The following ERC1 variants were observed in gnomAD, a reference collection of about 807,000 sequenced individuals.
ERC1 encodes the protein ELKS/RAB6-interacting/CAST family member 1, also known as RAB6 interacting protein 2.
ERC1 carries 56 observed loss-of-function variants against 132.0 expected under a neutral mutation model. That is an observed-to-expected ratio of 0.42 (90% CI 0.34 to 0.53). ERC1 has a LOEUF of 0.53. ERC1 is among the 20% of genes least tolerant of loss of function. The pLI is 0.03. For synonymous variants in ERC1, 478 were observed against 476.1 expected, an observed-to-expected ratio of 1.00 and a Z score of -0.05; for missense variants, 1,202 against 1,349.9, an observed-to-expected ratio of 0.89 and a Z score of 1.72.
chr12:1,370,678 A>T (rs1397900555), intron 15 of ERC1, among the ~76,000 whole-genome samples: 2 of 152,234 alleles, frequency 1.3e-5, no homozygotes, highest in African/African-American at 4.8e-5. Flanking sequence ...ATAAAATGAA[A>T]TACTAAGTTC....
At chr12:1,097,783 C>T (rs73037092) in intron 3 of ERC1, among the ~76,000 whole-genome samples, 8,587 of 150,360 alleles carry the variant, frequency 0.057, 301 homozygotes, top group Middle Eastern at 0.097. Flanking sequence ...GTCGCGATCT[C>T]GGCTGACTGT....
intron 13 of ERC1, among the ~76,000 whole-genome samples, chr12:1,239,396 G>A (rs2075646735): frequency 6.6e-6 from 1 of 152,042 alleles, no homozygotes; most frequent in South Asian, 2.1e-4. Context: ...GGTGTTAGGG[G>A]TACTCCCCAC....
chr12:1,062,978 T>A (rs1359408380), intron 2 of ERC1, among the ~76,000 whole-genome samples: 6 of 152,256 alleles, frequency 3.9e-5, no homozygotes, highest in Non-Finnish European at 7.3e-5. Flanking sequence ...GTTTTTTGAC[T>A]TGAAAGTCTA....
chr12:1,454,216 C>T (rs533430491), intron 18 of ERC1, among the ~76,000 whole-genome samples: 2 of 152,108 alleles, frequency 1.3e-5, no homozygotes, highest in Non-Finnish European at 2.9e-5. Context: ...CTGGAGGTGC[C>T]CAGAGAGGTC....
intron 15 of ERC1, among the ~76,000 whole-genome samples, chr12:1,340,326 C>T (rs564167314): frequency 2.8e-4 from 42 of 152,192 alleles, no homozygotes; most frequent in African/African-American, 9.9e-4. Flanking sequence ...CTAAAGTCTC[C>T]TATGGGAGCA....
At position 1,122,605 on chromosome 12, in the gene ERC1, C is replaced by A. The variant is rs1484175318; in HGVS notation, c.1569+6572C>A. Among the ~76,000 whole-genome samples the A allele has an allele frequency of 9.5e-4, 6 of 6,334 alleles. 1 individual carries two copies. Among genetic ancestry groups the A allele is most frequent in the East Asian group, 0.1 (1 of 10 alleles). 4.2% of individuals were successfully genotyped at this position (6,334 alleles called of 152,430 possible). A position where few individuals can be genotyped will look rare whatever the true frequency, so the allele number is the denominator to read the frequency against. On this transcript the variant is annotated intron_variant, in intron 7 of 18. Coordinates refer to ENST00000360905, the MANE Select transcript of ERC1 (RefSeq NM_178040.4). The stretch of plus-strand genomic sequence containing the variant: ...TCTATCTCTATCTCTATCTGTGTCT[C>A]TATCTCTATCTCTATCTGTGTCTCT...
intron 11 of ERC1, among the ~76,000 whole-genome samples, chr12:1,186,926 G>C (rs1315893183): frequency 6.6e-6 from 1 of 152,160 alleles, no homozygotes; most frequent in East Asian, 1.9e-4. Context: ...TACCTCCCAG[G>C]TTCAAGCAAT....
chr12:1,283,300 T>TG (rs1594763876), intron 14 of ERC1, among the ~76,000 whole-genome samples: 2 of 152,240 alleles, frequency 1.3e-5, no homozygotes, highest in East Asian at 3.8e-4. Context: ...TTGAAAATTG[T>TG]GCTGTGACCT....
At chr12:1,356,453 G>T (rs1460083531) in intron 15 of ERC1, among the ~76,000 whole-genome samples, 4 of 151,826 alleles carry the variant, frequency 2.6e-5, no homozygotes, top group African/African-American at 4.8e-5. Flanking sequence ...TGCTGTTTTT[G>T]TGTGTGTGTG....
chr12:1,321,946 C>T (rs892437016), intron 15 of ERC1, among the ~76,000 whole-genome samples: 3 of 152,088 alleles, frequency 2.0e-5, no homozygotes, highest in Non-Finnish European at 4.4e-5. Flanking sequence ...TTTACTACTT[C>T]ATTTTAAAAA....
At chr12:1,372,006 G>A (rs1483340876) in intron 16 of ERC1, 29 bp downstream of exon 16, 1 of 1,610,100 alleles carries the variant, frequency 6.2e-7, no homozygotes, top group African/African-American at 1.3e-5. Context: ...AGGAGGGTCA[G>A]TGGGGCCAGC....
chr12:1,160,095 C>A (rs903693183), intron 8 of ERC1, among the ~76,000 whole-genome samples: 11 of 35,448 alleles, frequency 3.1e-4, no homozygotes, highest in South Asian at 2.8e-3. Context: ...TTTAGTCTGA[C>A]AAGTCTTGAT....
intron 15 of ERC1, among the ~76,000 whole-genome samples, chr12:1,329,218 C>G (rs1018866732): frequency 6.9e-6 from 1 of 145,456 alleles, no homozygotes; most frequent in African/African-American, 2.6e-5. Context: ...CACTTGAACC[C>G]CAGAGGCGGA....
At chr12:1,278,652 G>A (rs1322761655) in intron 14 of ERC1, among the ~76,000 whole-genome samples, 4 of 152,076 alleles carry the variant, frequency 2.6e-5, no homozygotes, top group Admixed American at 2.6e-4. Context: ...TGGTTAAAAC[G>A]GACATTTCTC....
chr12:1,389,393 A>T (rs1016966233), intron 16 of ERC1, among the ~76,000 whole-genome samples: 2 of 152,210 alleles, frequency 1.3e-5, no homozygotes, highest in African/African-American at 4.8e-5. Flanking sequence ...TAGGCAAGTT[A>T]TACTTACTTT....
At chr12:1,155,692 C>T (rs1951320671) in intron 8 of ERC1, among the ~76,000 whole-genome samples, 1 of 152,006 alleles carries the variant, frequency 6.6e-6, no homozygotes, top group Non-Finnish European at 1.5e-5. Flanking sequence ...TAGGTGGTCT[C>T]GATTTCCTGA....
chr12:1,337,378 C>CTTT (rs1297217462), intron 15 of ERC1, among the ~76,000 whole-genome samples: 13 of 150,658 alleles, frequency 8.6e-5, no homozygotes, highest in Non-Finnish European at 1.9e-4. Flanking sequence ...TGTAATCCTG[C>CTTT]TTTTTTCTGT....
intron 2 of ERC1, among the ~76,000 whole-genome samples, chr12:1,070,731 G>A (rs1005408938): frequency 3.9e-5 from 6 of 152,090 alleles, no homozygotes; most frequent in African/African-American, 1.4e-4. Context: ...ACAGTGAAAT[G>A]CACACACCTT....
At chr12:1,189,210 TCCTTAA>T (rs1196346852) in intron 11 of ERC1, among the ~76,000 whole-genome samples, 3 of 152,188 alleles carry the variant, frequency 2.0e-5, no homozygotes, top group Admixed American at 6.5e-5. Flanking sequence ...ACTGAGCCCA[TCCTTAA>T]GTGTGGTTCT....
Sources: gnomAD v4.1 joint callset for allele counts (sites outside exome capture counted in the v4.1 genomes callset) on GRCh38, gnomAD v4.1.1 for gene constraint, MANE v1.5 for transcripts, NCBI Gene and HGNC (gene_info 2026-07-23, HGNC 2026-07-21) for gene names.